GPC6: variants seen among roughly 807,000 people sequenced by gnomAD.
The protein encoded by GPC6 is glypican 6, also known as glypican-6.
Under a neutral mutation model 55.2 loss-of-function variants are expected in GPC6, and 14 were observed. The ratio of observed to expected loss-of-function variants is 0.25; its 90% confidence interval spans 0.17 to 0.40. GPC6 has a LOEUF of 0.40. Among genes scored for constraint, GPC6 ranks in the 10% least tolerant of loss-of-function variants. GPC6 has a pLI of 1.00. For synonymous variants in GPC6, 278 were observed against 259.6 expected (o/e 1.07, Z -0.68); for missense variants, 641 against 708.5 (o/e 0.90, Z 1.08).
rs369669379 is a variant in GPC6, at chr13:93,258,174, T to G, written c.160+30558T>G. Among the ~76,000 whole-genome samples the G allele has an allele frequency of 1.2e-4, 19 of 152,284 alleles. No homozygotes were observed. The East Asian group carries it at 2.7e-3, about 22-fold the overall frequency. ...AGTTACAGAAACTGAAAATTCCAGA[T>G]GCTTGCTTTCCCCAGCTCCTTTGCA... On this transcript the variant is annotated intron_variant, in intron 1 of 8. Coordinates refer to ENST00000377047, the MANE Select transcript of GPC6 (RefSeq NM_005708.5).
Position 93,234,694 on chromosome 13 carries a change from G to GAGAGAGAGTGCA in GPC6, c.160+7086_160+7087insTGCAAGAGAGAG, listed in dbSNP as rs1555336407. On this transcript the variant is annotated intron_variant, in intron 1 of 8. Coordinates refer to ENST00000377047, the MANE Select transcript of GPC6 (RefSeq NM_005708.5). Reference sequence around the variant, plus strand: ...TTTGTGTATGTGTGTGTGTGAGAGAGAGAGAGAGAGAGAGTGCAAGAGAGA... The same window carrying GAGAGAGAGTGCA: ...TTTGTGTATGTGTGTGTGTGAGAGAGAGAGAGAGTGCAAGAGAGAGAGAGAGTGCAAGAGAGA... 5.4e-3 allele frequency among the ~76,000 whole-genome samples: 816 copies of GAGAGAGAGTGCA among 151,504 alleles called. 3 individuals are homozygous for GAGAGAGAGTGCA. The highest frequency in any genetic ancestry group is 8.9e-3 in the South Asian group (42 of 4,738).
At chr13:93,938,035 T>C (rs994456278) in intron 3 of GPC6, among the ~76,000 whole-genome samples, 2 of 152,028 alleles carry the variant, frequency 1.3e-5, no homozygotes, top group Non-Finnish European at 2.9e-5. Flanking sequence ...AGTTTGACCC[T>C]TAATTAGTTG....
At chr13:93,821,353 T>C (rs1400504991) in intron 2 of GPC6, among the ~76,000 whole-genome samples, 1 of 152,108 alleles carries the variant, frequency 6.6e-6, no homozygotes, top group East Asian at 1.9e-4. Flanking sequence ...TATTTAATAA[T>C]GTTATAGGGA....
chr13:93,903,118 A>G (rs1236974550), intron 3 of GPC6, among the ~76,000 whole-genome samples: 2 of 152,240 alleles, frequency 1.3e-5, no homozygotes, highest in Non-Finnish European at 2.9e-5. Flanking sequence ...AAACTACCAG[A>G]AGAAAACACA....
At chr13:94,296,322 G>T (rs1215317557) in intron 5 of GPC6, among the ~76,000 whole-genome samples, 7 of 152,196 alleles carry the variant, frequency 4.6e-5, no homozygotes, top group African/African-American at 1.7e-4. Context: ...AGGGCCGTAA[G>T]ATGAGAAGAT....
intron 3 of GPC6, among the ~76,000 whole-genome samples, chr13:93,846,465 A>G (rs1037220367): frequency 3.3e-5 from 5 of 152,222 alleles, no homozygotes; most frequent in Non-Finnish European, 5.9e-5. Flanking sequence ...GCAAAACTCA[A>G]TGGTCTATGG....
At chr13:93,682,055 A>G (rs1881863294) in intron 2 of GPC6, among the ~76,000 whole-genome samples, 1 of 152,208 alleles carries the variant, frequency 6.6e-6, no homozygotes, top group African/African-American at 2.4e-5. Context: ...GCTCATAACT[A>G]GCAGTATTCT....
At chr13:93,743,568 A>G (rs1244901902) in intron 2 of GPC6, among the ~76,000 whole-genome samples, 1 of 151,998 alleles carries the variant, frequency 6.6e-6, no homozygotes, top group African/African-American at 2.4e-5. Flanking sequence ...GCTTTAAAAA[A>G]ATTTAAATTT....
chr13:93,520,690 G>A (rs1211418855), intron 1 of GPC6, among the ~76,000 whole-genome samples: 7 of 151,856 alleles, frequency 4.6e-5, no homozygotes, highest in Non-Finnish European at 1.0e-4. Context: ...TAGCATTTAT[G>A]GAGTATAGAT....
chr13:93,719,937 T>C (rs561034852), intron 2 of GPC6, among the ~76,000 whole-genome samples: 2 of 152,282 alleles, frequency 1.3e-5, no homozygotes, highest in South Asian at 4.1e-4. Flanking sequence ...TGAAGCCGAC[T>C]TGATCATGGT....
rs114390107 is a variant in GPC6, at chr13:93,500,385, C to T, written c.161-44878C>T. 5.1e-3 allele frequency among the ~76,000 whole-genome samples: 773 copies of T among 152,166 alleles called. 9 individuals carry two copies. The highest frequency in any genetic ancestry group is 0.017 in the African/African-American group (707 of 41,522). The stretch of plus-strand genomic sequence containing the variant: ...AGTGAATAAATTTAGAGCTTCAGAT[C>T]GTTGGAATAAAAGAGCATTTGAGGA... On this transcript the variant is annotated intron_variant, in intron 1 of 8. Transcript: ENST00000377047.
intron 5 of GPC6, among the ~76,000 whole-genome samples, chr13:94,293,128 A>G (rs1875087369): frequency 6.6e-6 from 1 of 152,126 alleles, no homozygotes; most frequent in Non-Finnish European, 1.5e-5. Flanking sequence ...AACAGTGACA[A>G]CCATGGTTAC....
Position 93,435,444 on chromosome 13 carries a change from T to C in GPC6, c.161-109819T>C, listed in dbSNP as rs78904214. ...GTTACTTGCTTATACATGTTCTTCATATGTCACTTTACCAAATTTTTTTTT... is the reference window on the plus strand; with the variant it reads ...GTTACTTGCTTATACATGTTCTTCACATGTCACTTTACCAAATTTTTTTTT... On this transcript the variant is annotated intron_variant, in intron 1 of 8. Transcript: ENST00000377047. 6.3e-3 allele frequency among the ~76,000 whole-genome samples: 961 copies of C among 151,802 alleles called. 13 individuals carry two copies. The highest frequency in any genetic ancestry group is 0.023 in the African/African-American group (925 of 41,088).
chr13:93,247,901 A>G (rs2139024077), intron 1 of GPC6, among the ~76,000 whole-genome samples: 1 of 152,344 alleles, frequency 6.6e-6, no homozygotes, highest in Non-Finnish European at 1.5e-5. Context: ...GAGTAATCAC[A>G]CTTAAATTTC....
chr13:93,271,068 G>A (rs1364752696), intron 1 of GPC6, among the ~76,000 whole-genome samples: 2 of 152,162 alleles, frequency 1.3e-5, no homozygotes, highest in African/African-American at 2.4e-5. Flanking sequence ...CATTCAAGGG[G>A]CAGGGAGTGT....
chr13:93,996,973 A>G (rs1881583582), intron 3 of GPC6, among the ~76,000 whole-genome samples: 1 of 152,110 alleles, frequency 6.6e-6, no homozygotes, highest in African/African-American at 2.4e-5. Context: ...CAATTACCTC[A>G]TGAGTGAAAT....
chr13:93,738,959 ACACACACACACACT>A (rs1884100824), intron 2 of GPC6, among the ~76,000 whole-genome samples: 1 of 151,626 alleles, frequency 6.6e-6, no homozygotes, highest in Non-Finnish European at 1.5e-5. Context: ...ACACACACAC[ACACACACACACACT>A]CACACACATG....
chr13:93,994,485 T>C (rs1431323263), intron 3 of GPC6, among the ~76,000 whole-genome samples: 13 of 152,206 alleles, frequency 8.5e-5, no homozygotes, highest in Non-Finnish European at 2.9e-5. Flanking sequence ...CCCATTTCTT[T>C]TCCCAAAACC....
chr13:93,898,830 G>A (rs1566592670), intron 3 of GPC6, among the ~76,000 whole-genome samples: 2 of 151,504 alleles, frequency 1.3e-5, no homozygotes, highest in Admixed American at 1.3e-4. Flanking sequence ...GTGAGCCCCA[G>A]GAAGAGCAAA....
Sources: gnomAD v4.1 joint callset for allele counts (sites outside exome capture counted in the v4.1 genomes callset) on GRCh38, gnomAD v4.1.1 for gene constraint, MANE v1.5 for transcripts, NCBI Gene and HGNC (gene_info 2026-07-23, HGNC 2026-07-21) for gene names.